The following SNX16 variants were observed in gnomAD, a reference collection of about 807,000 sequenced individuals.
SNX16 encodes the protein sorting nexin-16.
A neutral mutation model predicts 36.7 loss-of-function variants in SNX16; 35 were observed. The ratio of observed to expected loss-of-function variants is 0.95; its 90% confidence interval spans 0.73 to 1.27. SNX16 has a LOEUF of 1.27. Ranked by LOEUF, SNX16 falls within the 50% of genes most tolerant of loss-of-function variation. The pLI is 0.00. For synonymous variants in SNX16, 134 were observed against 132.0 expected (o/e 1.02, Z -0.10); for missense variants, 367 against 393.6 (o/e 0.93, Z 0.57).
At chr8:81,831,901 T>C (rs1462768831) in intron 2 of SNX16, among the ~76,000 whole-genome samples, 1 of 152,058 alleles carries the variant, frequency 6.6e-6, no homozygotes, top group Non-Finnish European at 1.5e-5. Context: ...TGGCTATCAG[T>C]CATTATCATG....
chr8:81,841,842 G>A (rs574007347), intron 1 of SNX16: 3 of 152,300 alleles, frequency 2.0e-5, no homozygotes, highest in Admixed American at 2.0e-4. Context: ...GGTAAGGCCG[G>A]GGTCTGCGCC....
intron 2 of SNX16, among the ~76,000 whole-genome samples, chr8:81,838,218 A>G (rs928825336): frequency 2.0e-5 from 3 of 152,186 alleles, no homozygotes; most frequent in African/African-American, 7.2e-5. Flanking sequence ...ACAAAACATT[A>G]CTAGAAAAAA....
At chr8:81,804,893 C>T (rs951524329) in intron 5 of SNX16, among the ~76,000 whole-genome samples, 17 of 151,948 alleles carry the variant, frequency 1.1e-4, no homozygotes, top group African/African-American at 4.1e-4. Flanking sequence ...ATTTTAAATG[C>T]ATAATTACAA....
chr8:81,823,687 AC>A, intron 4 of SNX16, 104 bp downstream of exon 4: 3 of 986,776 alleles, frequency 3.0e-6, no homozygotes, highest in Non-Finnish European at 4.3e-6. Context: ...TTATACTCCA[AC>A]CCTGTATTTT....
intron 4 of SNX16, among the ~76,000 whole-genome samples, chr8:81,818,897 A>G (rs760103462): frequency 1.2e-4 from 19 of 152,088 alleles, no homozygotes; most frequent in Non-Finnish European, 1.5e-4. Context: ...TCCTTCCAAA[A>G]ACAATCTTTC....
At chr8:81,827,551 A>C (rs1165001579) in intron 3 of SNX16, among the ~76,000 whole-genome samples, 1 of 152,236 alleles carries the variant, frequency 6.6e-6, no homozygotes, top group Admixed American at 6.5e-5. Context: ...ACAGTAAATA[A>C]AATTCATATA....
At chr8:81,813,156 GTTGAAAGATACAAACAGA>G (rs1810338859) in intron 5 of SNX16, among the ~76,000 whole-genome samples, 1 of 151,980 alleles carries the variant, frequency 6.6e-6, no homozygotes, top group South Asian at 2.1e-4. Flanking sequence ...TGGATCTTGG[GTTGAAAGATACAAACAGA>G]TTGAAAGTAA....
intron 5 of SNX16, among the ~76,000 whole-genome samples, chr8:81,809,685 G>T (rs991160673): frequency 3.3e-5 from 5 of 152,184 alleles, no homozygotes; most frequent in Non-Finnish European, 7.4e-5. Flanking sequence ...GACAATACTT[G>T]TATTAGTGGT....
chr8:81,836,909 G>C (rs552319160), intron 2 of SNX16, among the ~76,000 whole-genome samples: 1 of 152,134 alleles, frequency 6.6e-6, no homozygotes, highest in South Asian at 2.1e-4. Context: ...TGTGATCTGT[G>C]TGCCACACTT....
chr8:81,818,318 T>C (rs915135807), intron 4 of SNX16, among the ~76,000 whole-genome samples: 1 of 152,104 alleles, frequency 6.6e-6, no homozygotes, highest in African/African-American at 2.4e-5. Context: ...TCTCTGAATA[T>C]CTTAAATTTT....
intron 4 of SNX16, 125 bp downstream of exon 4, chr8:81,823,667 A>C (rs1381491162): frequency 1.3e-6 from 1 of 742,130 alleles, no homozygotes; most frequent in Non-Finnish European, 2.0e-6. Context: ...TTGTTAAAGA[A>C]GACAAGTAAT....
chr8:81,828,456 T>C (rs1345953846), intron 3 of SNX16, among the ~76,000 whole-genome samples: 1 of 152,170 alleles, frequency 6.6e-6, no homozygotes, highest in South Asian at 2.1e-4. Context: ...ATACTGTTTG[T>C]TGCATTTTTT....
At chr8:81,826,410 A>C (rs1392086785) in intron 3 of SNX16, among the ~76,000 whole-genome samples, 1 of 152,140 alleles carries the variant, frequency 6.6e-6, no homozygotes, top group Non-Finnish European at 1.5e-5. Context: ...GCAACTGAGA[A>C]CAGTAATTTT....
intron 2 of SNX16, among the ~76,000 whole-genome samples, chr8:81,835,724 C>A (rs553251049): frequency 5.9e-5 from 9 of 152,326 alleles, no homozygotes; most frequent in Non-Finnish European, 8.8e-5. Context: ...CTAAGACTAC[C>A]TCAGCCTGGA....
intron 2 of SNX16, among the ~76,000 whole-genome samples, chr8:81,829,938 A>G (rs1209420822): frequency 1.3e-5 from 2 of 152,178 alleles, no homozygotes; most frequent in African/African-American, 4.8e-5. Context: ...CCAAGAATAA[A>G]ATATGGAAGT....
intron 5 of SNX16, among the ~76,000 whole-genome samples, chr8:81,810,747 C>T (rs763632458): frequency 4.6e-5 from 7 of 152,082 alleles, no homozygotes; most frequent in Non-Finnish European, 7.4e-5. Flanking sequence ...TTTTACTTGT[C>T]ATGAGTGGGT....
At chr8:81,815,648 T>C in intron 4 of SNX16, 1 of 317,844 alleles carries the variant, frequency 3.1e-6, no homozygotes, top group Non-Finnish European at 6.0e-6. Flanking sequence ...TTCACAATAA[T>C]GGTTCAAGAG....
chr8:81,838,999 C>G (rs918768574), intron 2 of SNX16, among the ~76,000 whole-genome samples: 34 of 152,002 alleles, frequency 2.2e-4, no homozygotes, highest in Non-Finnish European at 4.4e-4. Context: ...ATTTTAAATT[C>G]AATTAGTCAT....
chr8:81,835,412 C>T (rs1811451085), intron 2 of SNX16, among the ~76,000 whole-genome samples: 2 of 152,234 alleles, frequency 1.3e-5, no homozygotes, highest in East Asian at 1.9e-4. Flanking sequence ...CAAATTTCTA[C>T]AGCCAGCTTG....
Sources: allele counts gnomAD v4.1 joint callset (sites outside exome capture counted in the v4.1 genomes callset), GRCh38; gene constraint gnomAD v4.1.1; transcripts MANE v1.5; gene names NCBI Gene and HGNC (gene_info 2026-07-23, HGNC 2026-07-21).